Variants in CFH observed in about 807,000 individuals in gnomAD.
CFH encodes the protein complement factor H.
In CFH, 53 loss-of-function variants were observed where a neutral mutation model predicts 147.3. The ratio of observed to expected loss-of-function variants is 0.36; its 90% CI spans 0.29 to 0.45. The LOEUF is 0.45. Ranked by LOEUF, CFH falls within the 20% of genes least tolerant of loss-of-function variation. The pLI is 1.00. For missense variants in CFH, 1,380 were observed against 1,498.0 expected (o/e 0.92, Z 1.30); for synonymous variants, 536 against 489.4 (o/e 1.10, Z -1.26).
At chr1:196,673,204 T>C (rs1265050513) in intron 2 of CFH, 41 bp downstream of exon 2, 3 of 1,520,236 alleles carry the variant, frequency 2.0e-6, no homozygotes, top group East Asian at 2.3e-5. Flanking sequence ...GAAAACTAGG[T>C]GTAAAAATAC....
intron 1 of CFH, among the ~76,000 whole-genome samples, chr1:196,658,603 G>T (rs1398820715): frequency 1.3e-5 from 2 of 151,814 alleles, no homozygotes; most frequent in African/African-American, 2.4e-5. Flanking sequence ...AGTAGAGACG[G>T]AGTTTCACCG....
chr1:196,670,918 C>A (rs1015810306), intron 1 of CFH, among the ~76,000 whole-genome samples: 5 of 151,164 alleles, frequency 3.3e-5, no homozygotes, highest in Non-Finnish European at 7.4e-5. Flanking sequence ...TGTTAGAATT[C>A]CAATTAAACA....
At chr1:196,689,978 T>G in intron 8 of CFH, 85 bp from the exon 9 acceptor site, 2 of 1,354,722 alleles carry the variant, frequency 1.5e-6, no homozygotes, top group Non-Finnish European at 2.0e-6. Context: ...TATTTAAATA[T>G]TGTAAAAATA....
chr1:196,654,262 C>CA (rs1046995858), intron 1 of CFH, among the ~76,000 whole-genome samples: 22 of 151,578 alleles, frequency 1.5e-4, no homozygotes, highest in East Asian at 3.9e-4. Flanking sequence ...GAACTTTCTT[C>CA]AAAAAAAACA....
At chr1:196,746,951 A>G (rs1324810589) in intron 21 of CFH, among the ~76,000 whole-genome samples, 160 bp from the exon 22 acceptor site, 2 of 152,190 alleles carry the variant, frequency 1.3e-5, no homozygotes, top group Non-Finnish European at 2.9e-5. Context: ...TACCATTCTA[A>G]GTTTATTCAA....
chr1:196,745,452 A>T (rs1447117394), intron 20 of CFH, among the ~76,000 whole-genome samples: 2 of 152,146 alleles, frequency 1.3e-5, no homozygotes, highest in African/African-American at 2.4e-5. Context: ...TTTTTAAAAA[A>T]TTTTTGTCAT....
chr1:196,673,921 G>T lies in CFH; in HGVS notation c.309G>T (p.Val103=). 1.9e-6 allele frequency: 3 copies of T among 1,613,304 alleles called. No homozygotes were observed. Among genetic ancestry groups the T allele is most frequent in the Non-Finnish European group, 2.5e-6 (3 of 1,179,514 alleles). ...CTTTTACCCTTACAGGAGGAAATGT[G>T]TTTGAATATGGTGTAAAAGCTGTGT... ...FGTFTLTGGN[V]FEYGVKAVYT... is the part of the protein sequence containing the mutation. Residue 103 remains valine (V), a synonymous_variant, in exon 3 of 22, where the codon GTG becomes GTT. Transcript: ENST00000367429.
intron 17 of CFH, among the ~76,000 whole-genome samples, chr1:196,740,228 G>T (rs1324808042): frequency 6.6e-6 from 1 of 152,160 alleles, no homozygotes; most frequent in Non-Finnish European, 1.5e-5. Context: ...TGTTTGCTTT[G>T]CCACTATGTT....
intron 10 of CFH, among the ~76,000 whole-genome samples, chr1:196,715,107 T>C (rs1455697849): frequency 6.6e-6 from 1 of 152,044 alleles, no homozygotes; most frequent in African/African-American, 2.4e-5. Context: ...AATTTTATAC[T>C]AAATTTTTAT....
rs564280302 is a variant in CFH at position 196,683,441 on chromosome 1, A to G, written c.791-1623A>G. Among the ~76,000 whole-genome samples, 11 of 151,918 alleles carry G rather than the reference A, an allele frequency of 7.2e-5. 1 individual carries two copies. In the East Asian group the frequency reaches 1.9e-3, roughly 27 times the overall value. ...ACTAGGTAGTAGTGAGTTAAAGAAT[A>G]AATGTGAGACGGGAAAGTGGAGACA... On this transcript the variant is annotated intron_variant, in intron 6 of 21. Coordinates refer to ENST00000367429, the MANE Select transcript of CFH (RefSeq NM_000186.4).
chr1:196,730,528 G>A (rs565228360), intron 15 of CFH, among the ~76,000 whole-genome samples: 213 of 151,824 alleles, frequency 1.4e-3, no homozygotes, highest in Non-Finnish European at 2.5e-3. Flanking sequence ...TATTCTGTGC[G>A]CATTTGAGAA....
intron 11 of CFH, among the ~76,000 whole-genome samples, chr1:196,716,107 T>A (rs1308391138): frequency 1.3e-5 from 2 of 152,158 alleles, no homozygotes; most frequent in African/African-American, 4.8e-5. Context: ...TTTGTTTTTT[T>A]AATTTCTACT....
At chr1:196,673,712 T>G in intron 2 of CFH, 145 bp from the exon 3 acceptor site, 2 of 659,550 alleles carry the variant, frequency 3.0e-6, no homozygotes, top group Non-Finnish European at 5.4e-6. Flanking sequence ...AGTTCAATTA[T>G]GAAATAATGG....
chr1:196,661,507 T>G (rs1213079919), intron 1 of CFH, among the ~76,000 whole-genome samples: 1 of 152,148 alleles, frequency 6.6e-6, no homozygotes, highest in African/African-American at 2.4e-5. Flanking sequence ...GCTCTCTGGT[T>G]CATAGACAGT....
intron 8 of CFH, 100 bp downstream of exon 8, chr1:196,689,714 T>C: frequency 7.6e-7 from 1 of 1,314,684 alleles, no homozygotes; most frequent in Non-Finnish European, 1.1e-6. Flanking sequence ...GTAACAGAAA[T>C]AGGGCCAAGA....
In CFH at chr1:196,673,102, T is replaced by C. The variant is rs1230917528; in HGVS notation, c.183T>C (p.Asn61=). The C allele has an allele frequency of 6.2e-7, 1 of 1,613,930 alleles. No homozygotes were observed. The highest frequency in any genetic ancestry group is 8.5e-7 in the Non-Finnish European group (1 of 1,179,900). ...KCRPGYRSLG[N]VIMVCRKGEW... ...GCCCTGGATATAGATCTCTTGGAAA[T>C]GTAATAATGGTATGCAGGAAGGGAG... Residue 61 remains asparagine (N), a synonymous_variant, in exon 2 of 22, where the codon AAT becomes AAC. Coordinates refer to ENST00000367429, the MANE Select transcript of CFH (RefSeq NM_000186.4).
chr1:196,709,388 G>A (rs76780329), intron 9 of CFH, among the ~76,000 whole-genome samples: 4,704 of 152,162 alleles, frequency 0.031, 102 homozygotes, highest in Non-Finnish European at 0.048. Context: ...CAGCTTGCAG[G>A]TTGTTACAAG....
chr1:196,742,460 T>C (rs1652840069), intron 19 of CFH, among the ~76,000 whole-genome samples: 1 of 152,158 alleles, frequency 6.6e-6, no homozygotes, highest in Non-Finnish European at 1.5e-5. Flanking sequence ...TATAGAATTG[T>C]CTCTAACATC....
chr1:196,703,976 C>G (rs1668523971), intron 9 of CFH, among the ~76,000 whole-genome samples: 1 of 89,486 alleles, frequency 1.1e-5, no homozygotes, highest in Non-Finnish European at 2.0e-5. Context: ...CAGAGCAAGA[C>G]TCTGTCAAAA....
Sources: gnomAD v4.1 joint callset for allele counts (sites outside exome capture counted in the v4.1 genomes callset) on GRCh38, gnomAD v4.1.1 for gene constraint, MANE v1.5 for transcripts, NCBI Gene and HGNC (gene_info 2026-07-23, HGNC 2026-07-21) for gene names.